The following SIPA1L3 variants were observed in gnomAD, a reference collection of about 807,000 sequenced individuals.
SIPA1L3 encodes the protein signal-induced proliferation-associated 1-like protein 3.
Under a neutral mutation model 150.1 loss-of-function variants are expected in SIPA1L3, and 59 were observed. That is an observed-to-expected ratio of 0.39 (90% CI 0.32 to 0.49). The LOEUF is 0.49. Ranked by LOEUF, SIPA1L3 falls within the 20% of genes least tolerant of loss-of-function variation. The pLI is 0.86. For synonymous variants in SIPA1L3, 1,070 were observed against 1,077.6 expected, an observed-to-expected ratio of 0.99 and a Z score of 0.14; for missense variants, 2,211 against 2,489.5, an observed-to-expected ratio of 0.89 and a Z score of 2.38.
chr19:37,961,536 GA>G (rs1423123245), intron 1 of SIPA1L3, among the ~76,000 whole-genome samples: 3 of 152,062 alleles, frequency 2.0e-5, no homozygotes, highest in Non-Finnish European at 4.4e-5. Flanking sequence ...TCAACAATTT[GA>G]CTATGTTTAA....
At chr19:38,028,562 T>C (rs1968569050) in intron 1 of SIPA1L3, among the ~76,000 whole-genome samples, 1 of 152,198 alleles carries the variant, frequency 6.6e-6, no homozygotes, top group Admixed American at 6.5e-5. Flanking sequence ...ACTCTGTGAC[T>C]TTGTATTGTG....
intron 15 of SIPA1L3, among the ~76,000 whole-genome samples, chr19:38,166,199 T>C (rs1250994988): frequency 6.6e-6 from 1 of 151,822 alleles, no homozygotes; most frequent in Non-Finnish European, 1.5e-5. Flanking sequence ...CTCATACCTG[T>C]AATCCCAGCA....
chr19:37,956,135 G>A (rs2145563491), intron 1 of SIPA1L3, among the ~76,000 whole-genome samples: 2 of 152,264 alleles, frequency 1.3e-5, no homozygotes, highest in Middle Eastern at 3.4e-3. Flanking sequence ...GACCACAGGT[G>A]CGTGCCACCG....
At position 38,182,704 on chromosome 19, in the gene SIPA1L3, C is replaced by A. The variant is rs760371306; in HGVS notation, c.4394C>A (p.Pro1465His). Residue 1465 changes from proline (P) to histidine (H), a missense_variant, in exon 16 of 22, where the codon CCC becomes CAC. Pro to His is a moderately conservative substitution (Grantham distance 77, BLOSUM62 -2). Transcript: ENST00000222345. ...HPTGWKRTEEPPPRPLPFSDP... is the reference protein window; with the variant it reads ...HPTGWKRTEEHPPRPLPFSDP... Reference sequence around the variant, plus strand: ...ACAGGGTGGAAGAGAACGGAGGAGCCCCCACCACGGCCACTCCCCTTCAGT... The same window carrying A: ...ACAGGGTGGAAGAGAACGGAGGAGCACCCACCACGGCCACTCCCCTTCAGT... 2 of 1,613,778 alleles carry A rather than the reference C, an allele frequency of 1.2e-6. No homozygotes were observed. Among genetic ancestry groups the A allele is most frequent in the Non-Finnish European group, 1.7e-6 (2 of 1,179,882 alleles).
intron 1 of SIPA1L3, among the ~76,000 whole-genome samples, chr19:37,912,375 A>T (rs2046383887): frequency 6.6e-6 from 1 of 152,144 alleles, no homozygotes; most frequent in Admixed American, 6.6e-5. Flanking sequence ...TGGGCAAATC[A>T]TGTGTCCTTC....
rs113668153 is a variant in SIPA1L3, at chr19:37,919,211, T to C, written c.-379+11853T>C. Among the ~76,000 whole-genome samples, 780 of 152,232 alleles carry C rather than the reference T, an allele frequency of 5.1e-3. 6 individuals are homozygous for C. Among genetic ancestry groups the C allele is most frequent in the African/African-American group, 0.018 (755 of 41,546 alleles). On this transcript the variant is annotated intron_variant, in intron 1 of 21. Coordinates refer to ENST00000222345, the MANE Select transcript of SIPA1L3 (RefSeq NM_015073.3). ...CCTAAACAGGGCAGGTGCTGGAGAT[T>C]CTCAGCTTGTTCCTGTCCCCAGATG...
At chr19:37,967,294 C>T (rs1599849372) in intron 1 of SIPA1L3, among the ~76,000 whole-genome samples, 2 of 151,504 alleles carry the variant, frequency 1.3e-5, no homozygotes, top group Admixed American at 1.3e-4. Context: ...GCTCTGTCGC[C>T]CAGGCTGGAG....
At chr19:38,192,372 C>A in intron 17 of SIPA1L3, 62 bp downstream of exon 17, 2 of 1,467,348 alleles carry the variant, frequency 1.4e-6, no homozygotes, top group East Asian at 2.4e-5. Context: ...CAGATCTGGG[C>A]AGGCAAGGAG....
intron 18 of SIPA1L3, among the ~76,000 whole-genome samples, chr19:38,195,833 C>T (rs1175772363): frequency 7.1e-6 from 1 of 141,146 alleles, no homozygotes; most frequent in Non-Finnish European, 1.6e-5. Context: ...CCCCCTCCGT[C>T]CCTACTCACC....
chr19:38,147,046 T>C (rs1971715969), intron 12 of SIPA1L3, among the ~76,000 whole-genome samples: 1 of 151,994 alleles, frequency 6.6e-6, no homozygotes, highest in South Asian at 2.1e-4. Context: ...AAGTTTTTTA[T>C]TTTATTTTTT....
chr19:38,059,006 CAA>C (rs1599971088), intron 2 of SIPA1L3, among the ~76,000 whole-genome samples: 1 of 125,198 alleles, frequency 8.0e-6, no homozygotes, highest in African/African-American at 3.1e-5. Flanking sequence ...GCCTGGGTAA[CAA>C]GAGTGAAACT....
chr19:38,083,441 T>C (rs1725513), intron 3 of SIPA1L3, among the ~76,000 whole-genome samples: 88,866 of 152,152 alleles, frequency 0.58, 28,700 homozygotes, highest in African/African-American at 0.86. Flanking sequence ...GTCTTCCTAG[T>C]ACTTATAATG....
intron 1 of SIPA1L3, among the ~76,000 whole-genome samples, chr19:37,986,135 A>G (rs1017421626): frequency 6.6e-6 from 1 of 152,176 alleles, no homozygotes; most frequent in Non-Finnish European, 1.5e-5. Context: ...AAGGTGGGGA[A>G]GGTATTAAAG....
intron 2 of SIPA1L3, among the ~76,000 whole-genome samples, chr19:38,031,555 C>T (rs997896769): frequency 1.3e-5 from 2 of 152,160 alleles, no homozygotes; most frequent in Admixed American, 1.3e-4. Context: ...TGGAACAGTG[C>T]CACACAGGCA....
intron 10 of SIPA1L3, among the ~76,000 whole-genome samples, chr19:38,131,437 T>A (rs1350990314): frequency 1.3e-5 from 2 of 152,036 alleles, no homozygotes; most frequent in African/African-American, 4.8e-5. Flanking sequence ...ATGGGTGATG[T>A]GTTCCTGGAG....
chr19:38,080,235 T>G (rs1385306314), intron 2 of SIPA1L3, among the ~76,000 whole-genome samples: 4 of 152,178 alleles, frequency 2.6e-5, no homozygotes, highest in African/African-American at 9.7e-5. Context: ...TCACTTCCTT[T>G]CTGGCAGAGT....
At chr19:38,007,085 A>T (rs988160091) in intron 1 of SIPA1L3, among the ~76,000 whole-genome samples, 1 of 152,216 alleles carries the variant, frequency 6.6e-6, no homozygotes, top group African/African-American at 2.4e-5. Context: ...TGGGAGACCA[A>T]GGCAGACGGA....
At chr19:38,145,241 C>T (rs550600388) in intron 12 of SIPA1L3, among the ~76,000 whole-genome samples, 1 of 149,690 alleles carries the variant, frequency 6.7e-6, no homozygotes, top group South Asian at 2.1e-4. Flanking sequence ...CCAAAAAAAA[C>T]ATACAGGTGG....
chr19:38,196,602 GGAGGTCAAGGGCA>G, intron 18 of SIPA1L3, among the ~76,000 whole-genome samples: 1 of 150,900 alleles, frequency 6.6e-6, no homozygotes, highest in African/African-American at 2.4e-5. Flanking sequence ...GGAGGAGCAT[GGAGGTCAAGGGCA>G]GAGCATGGAG....
Sources: gnomAD v4.1 joint callset for allele counts (sites outside exome capture counted in the v4.1 genomes callset) on GRCh38, gnomAD v4.1.1 for gene constraint, MANE v1.5 for transcripts, NCBI Gene and HGNC (gene_info 2026-07-23, HGNC 2026-07-21) for gene names.